Variants in SPTAN1 observed in about 807,000 individuals in gnomAD.
SPTAN1 encodes spectrin alpha, non-erythrocytic 1.
In SPTAN1, 61 loss-of-function variants were observed where a neutral mutation model predicts 331.3. The ratio of observed to expected loss-of-function variants is 0.18; its 90% confidence interval spans 0.15 to 0.23. The LOEUF (loss-of-function observed/expected upper bound fraction) is 0.23. Ranked by LOEUF, SPTAN1 falls within the 10% of genes least tolerant of loss-of-function variation. The probability of loss-of-function intolerance (pLI) is 1.00; values close to 1 mark genes in which losing one functional copy is unlikely to be tolerated. For missense variants in SPTAN1, 2,043 were observed against 3,147.9 expected, an observed-to-expected ratio of 0.65 and a Z score of 8.40; for synonymous variants, 1,153 against 1,173.9, an observed-to-expected ratio of 0.98 and a Z score of 0.36.
chr9:128,599,868 A>C, intron 26 of SPTAN1: 1 of 600,776 alleles, frequency 1.7e-6, no homozygotes, highest in African/African-American at 1.9e-5. Flanking sequence ...AAAAAATTGG[A>C]ATTTTTCTCT....
chr9:128,633,182 C>T (rs750990425), intron 56 of SPTAN1, 27 bp from the exon 57 acceptor site: 1 of 1,613,780 alleles, frequency 6.2e-7, no homozygotes, highest in South Asian at 1.1e-5. Context: ...CTGGCTCAGG[C>T]ACCAGGTGCC....
At chr9:128,622,283 G>A (rs74399523) in intron 45 of SPTAN1, among the ~76,000 whole-genome samples, 3,921 of 148,650 alleles carry the variant, frequency 0.026, 188 homozygotes, top group African/African-American at 0.091. Flanking sequence ...TCCTGGCAAC[G>A]AGCCAGCTGC....
At chr9:128,614,095 G>A (rs1856853202) in intron 40 of SPTAN1, among the ~76,000 whole-genome samples, 1 of 152,076 alleles carries the variant, frequency 6.6e-6, no homozygotes, top group Non-Finnish European at 1.5e-5. Context: ...GAAAAGGGAG[G>A]AATATTTTGA....
intron 15 of SPTAN1, among the ~76,000 whole-genome samples, 191 bp from the exon 16 acceptor site, chr9:128,583,597 G>C (rs1348394205): frequency 1.3e-5 from 2 of 152,182 alleles, no homozygotes; most frequent in African/African-American, 4.8e-5. Context: ...AAGGGGGTTA[G>C]AATGCTTCCA....
chr9:128,594,334 G>C lies in SPTAN1; in HGVS notation c.3375G>C (p.Gln1125His). Residue 1125 changes from glutamine to histidine, a missense_variant, in exon 24 of 57, where the codon CAG (glutamine) becomes CAC (histidine). Physicochemically the swap from Gln to His is conservative, Grantham distance 24. Transcript: ENST00000372739. ...AGGAGGTCGGAGCAGACTTGGAGCA[G>C]GTTGAGGTGCTCCAGAAGAAGTTTG... ...TSEEVGADLEQVEVLQKKFDD... is the reference protein window; with the variant it reads ...TSEEVGADLEHVEVLQKKFDD... 6.2e-7 allele frequency: 1 copy of C among 1,613,926 alleles called. No individual in the cohort carries two copies. The highest frequency in any genetic ancestry group is 8.5e-7 in the Non-Finnish European group (1 of 1,179,976).
Position 128,594,194 on chromosome 9 carries a change from C to T in SPTAN1, c.3235C>T (p.Leu1079=). Reference sequence around the variant, plus strand: ...CATCAGATATCATTCTCTGCTGGAACTGGGTGAGAAGCGTAAAGGCATGTT... The same window carrying T: ...CATCAGATATCATTCTCTGCTGGAATTGGGTGAGAAGCGTAAAGGCATGTT... ...VEELYHSLLE[L]GEKRKGMLEK... Residue 1079 remains leucine (L), a synonymous_variant, in exon 24 of 57, where the codon CTG becomes TTG. Coordinates refer to ENST00000372739, the MANE Select transcript of SPTAN1 (RefSeq NM_001130438.3). 1 of 1,614,126 alleles carries T rather than the reference C, an allele frequency of 6.2e-7. No individual in the cohort carries two copies. Among genetic ancestry groups the T allele is most frequent in the Non-Finnish European group, 8.5e-7 (1 of 1,180,020 alleles).
At chr9:128,564,849 C>T (rs1849830490) in intron 1 of SPTAN1, among the ~76,000 whole-genome samples, 1 of 152,144 alleles carries the variant, frequency 6.6e-6, no homozygotes. Context: ...GAAGCATGTG[C>T]ACATGGCTTG....
chr9:128,613,478 C>T lies in SPTAN1; in HGVS notation c.5141C>T (p.Ala1714Val). 3 of 1,614,042 alleles carry T rather than the reference C, an allele frequency of 1.9e-6. No individual in the cohort carries two copies. Among genetic ancestry groups the T allele is most frequent in the Non-Finnish European group, 2.5e-6 (3 of 1,179,956 alleles). ...KHQLLEADISAHEDRLKDLNS... is the reference protein window; with the variant it reads ...KHQLLEADISVHEDRLKDLNS... Reference sequence around the variant, plus strand: ...CAACTGCTGGAAGCAGATATATCTGCCCATGAGGTAAGCAAAGGGAGGCGG... The same window carrying T: ...CAACTGCTGGAAGCAGATATATCTGTCCATGAGGTAAGCAAAGGGAGGCGG... Residue 1714 changes from alanine (A) to valine (V), a missense_variant, in exon 40 of 57, where the codon GCC becomes GTC. Around this residue, in one of 12 missense-constraint regions of SPTAN1, gnomAD observed 323 missense variants for 581.1 expected, o/e 0.56. Coordinates refer to ENST00000372739, the MANE Select transcript of SPTAN1 (RefSeq NM_001130438.3).
At chr9:128,628,869 G>A (rs1859213580) in intron 51 of SPTAN1, 4 of 351,556 alleles carry the variant, frequency 1.1e-5, no homozygotes, top group Non-Finnish European at 2.0e-5. Context: ...GCCTGTGTCT[G>A]CTGGTCTTGC....
At chr9:128,567,806 G>C (rs910326591) in intron 2 of SPTAN1, among the ~76,000 whole-genome samples, 22 of 151,474 alleles carry the variant, frequency 1.5e-4, no homozygotes, top group African/African-American at 5.3e-4. Context: ...TATTGCCCAA[G>C]TTGGAGTGCA....
Position 128,633,440 on chromosome 9 carries a change from A to C in SPTAN1, c.*106A>C. ...TTCCACTGTAACCTTAAGCCTGCTT[A>C]GCTTGGAATAAGACTTAGGAGAAAA... On this transcript the variant is annotated 3_prime_UTR_variant, in exon 57 of 57. Coordinates refer to ENST00000372739, the MANE Select transcript of SPTAN1 (RefSeq NM_001130438.3). 2 of 1,572,532 alleles carry C rather than the reference A, an allele frequency of 1.3e-6. No individual in the cohort carries two copies. The highest frequency in any genetic ancestry group is 1.7e-6 in the Non-Finnish European group (2 of 1,152,432).
chr9:128,627,616 A>G lies in SPTAN1; in HGVS notation c.6689+118A>G. On this transcript the variant is annotated intron_variant, in intron 50 of 56. Transcript: ENST00000372739. The surrounding 1 kb of genome is among the most constrained non-coding windows in gnomAD (Gnocchi z 4.9). ...GTGTAAAACCAGAGGCAGCCTGGGA[A>G]TAAAGCTGGGCTGGCAACGCCTGGT... is the stretch of plus-strand genomic sequence containing the variant. The G allele has an allele frequency of 9.2e-7, 1 of 1,085,054 alleles. No individual in the cohort carries two copies. 67.2% of individuals were successfully genotyped at this position (1,085,054 alleles called of 1,614,324 possible).
intron 24 of SPTAN1, among the ~76,000 whole-genome samples, chr9:128,597,720 C>T (rs1410190403): frequency 5.3e-5 from 8 of 152,210 alleles, no homozygotes; most frequent in African/African-American, 1.9e-4. Flanking sequence ...ACGATTTTGG[C>T]TCACTGTAAC....
chr9:128,555,233 T>C, intron 1 of SPTAN1: 2 of 689,934 alleles, frequency 2.9e-6, no homozygotes, highest in East Asian at 6.9e-5. Flanking sequence ...TGAAAAAATA[T>C]CTGAAATTGG....
At chr9:128,563,445 C>T (rs1849648752) in intron 1 of SPTAN1, among the ~76,000 whole-genome samples, 1 of 152,088 alleles carries the variant, frequency 6.6e-6, no homozygotes, top group South Asian at 2.1e-4. Flanking sequence ...GCCACTTTCT[C>T]AGAGTATACT....
intron 27 of SPTAN1, among the ~76,000 whole-genome samples, chr9:128,601,629 A>G (rs1835394407): frequency 6.6e-6 from 1 of 152,228 alleles, no homozygotes; most frequent in African/African-American, 2.4e-5. Flanking sequence ...TACAGTGGTG[A>G]GTTTGACAAG....
intron 48 of SPTAN1, 158 bp from the exon 49 acceptor site, chr9:128,626,233 T>G: frequency 1.9e-6 from 2 of 1,056,594 alleles, no homozygotes; most frequent in Non-Finnish European, 2.9e-6. Flanking sequence ...TGGTGAAGAC[T>G]TGAAGGGGGA....
At chr9:128,623,496 C>T (rs893132836) in intron 45 of SPTAN1, among the ~76,000 whole-genome samples, 3 of 151,812 alleles carry the variant, frequency 2.0e-5, no homozygotes, top group African/African-American at 7.3e-5. Context: ...TGCTGTGTTG[C>T]CCAGGCTGGG....
chr9:128,626,326 C>T lies in SPTAN1; in HGVS notation c.6280-65C>T, dbSNP rs1858733584. The T allele has an allele frequency of 3.1e-6, 5 of 1,592,672 alleles. No individual in the cohort carries two copies. The South Asian group carries it at 3.3e-5, about 11-fold the overall frequency. On this transcript the variant is annotated intron_variant, in intron 48 of 56. Transcript: ENST00000372739. ...TCCCAGGAACCACCCCGCACCCCAC[C>T]TCCTGCACTGCGTCGGCACGTCCAG...
Sources: allele counts gnomAD v4.1 joint callset (sites outside exome capture counted in the v4.1 genomes callset), GRCh38; gene constraint gnomAD v4.1.1; regional missense constraint gnomAD v4.1.1; non-coding constraint Gnocchi (gnomAD v3.1); transcripts MANE v1.5; gene names NCBI Gene and HGNC (gene_info 2026-07-23, HGNC 2026-07-21).